CNTN5: variants seen among roughly 807,000 people sequenced by gnomAD.
The protein encoded by CNTN5 is contactin-5.
CNTN5 carries 77 observed loss-of-function variants against 129.1 expected under a neutral mutation model. The observed-to-expected ratio is 0.60, with a 90% confidence interval of 0.50 to 0.72. The LOEUF is 0.72. Ranked by LOEUF, CNTN5 falls within the 30% of genes least tolerant of loss-of-function variation. The probability of loss-of-function intolerance (pLI) is 0.00; values close to 1 mark genes in which losing one functional copy is unlikely to be tolerated. For synonymous variants in CNTN5, 509 were observed against 465.6 expected (o/e 1.09, Z -1.20); for missense variants, 1,478 against 1,328.8 (o/e 1.11, Z -1.75).
At chr11:99,685,456 T>C (rs893961910) in intron 3 of CNTN5, among the ~76,000 whole-genome samples, 7 of 151,940 alleles carry the variant, frequency 4.6e-5, no homozygotes, top group Non-Finnish European at 8.8e-5. Flanking sequence ...AGAGAGAAAG[T>C]AAAAAATATT....
chr11:99,542,056 G>C (rs1046646651), intron 2 of CNTN5, among the ~76,000 whole-genome samples: 1 of 147,896 alleles, frequency 6.8e-6, no homozygotes, highest in Non-Finnish European at 1.5e-5. Context: ...GTTTTTAATT[G>C]TCATATAATA....
At chr11:99,961,637 T>C (rs960560546) in intron 8 of CNTN5, among the ~76,000 whole-genome samples, 5 of 152,164 alleles carry the variant, frequency 3.3e-5, no homozygotes, top group African/African-American at 4.8e-5. Context: ...TGAACAACTA[T>C]TTCAATAAAA....
chr11:99,722,727 C>G (rs990335711), intron 3 of CNTN5, among the ~76,000 whole-genome samples: 2 of 152,094 alleles, frequency 1.3e-5, no homozygotes, highest in South Asian at 2.1e-4. Flanking sequence ...GAGAATTTTG[C>G]TAGAGTATTC....
At chr11:99,915,454 C>T (rs1161521035) in intron 6 of CNTN5, among the ~76,000 whole-genome samples, 1 of 152,090 alleles carries the variant, frequency 6.6e-6, no homozygotes, top group Non-Finnish European at 1.5e-5. Context: ...CCAGACTAAT[C>T]AAAATGGATG....
chr11:99,940,047 G>A (rs765012806), intron 7 of CNTN5, among the ~76,000 whole-genome samples: 1 of 152,098 alleles, frequency 6.6e-6, no homozygotes, highest in African/African-American at 2.4e-5. Flanking sequence ...ATTTGGAAAT[G>A]TCTAGAGGCA....
chr11:99,862,712 C>T (rs1170127043), intron 6 of CNTN5, among the ~76,000 whole-genome samples: 1 of 151,782 alleles, frequency 6.6e-6, no homozygotes, highest in Admixed American at 6.6e-5. Flanking sequence ...CAAGGCCAAC[C>T]AGTGATTCAT....
intron 13 of CNTN5, among the ~76,000 whole-genome samples, chr11:100,149,904 A>AG (rs1417482011): frequency 6.8e-6 from 1 of 147,836 alleles, no homozygotes; most frequent in Non-Finnish European, 1.5e-5. Context: ...AAAAAAAAAA[A>AG]AAAGAAAAGA....
intron 6 of CNTN5, among the ~76,000 whole-genome samples, chr11:99,868,218 T>TA (rs10645597): frequency 0.014 from 1,627 of 118,844 alleles, 2 homozygotes; most frequent in Middle Eastern, 0.018. Context: ...CTCCATCTCA[T>TA]AAAAAAAAAA....
chr11:99,695,942 A>G (rs933793671), intron 3 of CNTN5, among the ~76,000 whole-genome samples: 2 of 152,078 alleles, frequency 1.3e-5, no homozygotes, highest in South Asian at 2.1e-4. Flanking sequence ...TACATACAAA[A>G]GTTTTAAAAT....
At chr11:100,315,258 C>T (rs1195309812) in intron 21 of CNTN5, among the ~76,000 whole-genome samples, 3 of 152,334 alleles carry the variant, frequency 2.0e-5, no homozygotes, top group South Asian at 2.1e-4. Flanking sequence ...GCTTCCATTA[C>T]ATCTTAATTG....
chr11:99,928,953 A>C (rs1377073422), intron 7 of CNTN5, among the ~76,000 whole-genome samples: 3 of 152,146 alleles, frequency 2.0e-5, no homozygotes, highest in Non-Finnish European at 2.9e-5. Flanking sequence ...CATAAAACCA[A>C]ATGCTTTTAA....
chr11:99,816,279 C>T (rs542527581), intron 3 of CNTN5, among the ~76,000 whole-genome samples: 53 of 152,250 alleles, frequency 3.5e-4, no homozygotes, highest in African/African-American at 1.3e-3. Flanking sequence ...CACCCTATTT[C>T]TTATTTCACA....
At chr11:99,304,215 G>GCCTGGTAAT (rs1864773075) in intron 1 of CNTN5, among the ~76,000 whole-genome samples, 1 of 152,062 alleles carries the variant, frequency 6.6e-6, no homozygotes, top group South Asian at 2.1e-4. Context: ...CATTGTTCCT[G>GCCTGGTAAT]CCTGGTAATC....
intron 3 of CNTN5, among the ~76,000 whole-genome samples, chr11:99,713,847 T>C (rs527832109): frequency 5.3e-5 from 8 of 152,114 alleles, no homozygotes; most frequent in African/African-American, 1.9e-4. Flanking sequence ...GTGTATGTTA[T>C]AAAGGAACAA....
chr11:99,356,742 G>A (rs1357497737), intron 2 of CNTN5, among the ~76,000 whole-genome samples: 1 of 151,970 alleles, frequency 6.6e-6, no homozygotes, highest in Non-Finnish European at 1.5e-5. Flanking sequence ...CTAGGAATAC[G>A]AAAAAGAAAA....
At chr11:100,021,347 C>T (rs1239710347) in intron 9 of CNTN5, among the ~76,000 whole-genome samples, 1 of 152,102 alleles carries the variant, frequency 6.6e-6, no homozygotes, top group Non-Finnish European at 1.5e-5. Flanking sequence ...GAATGTGTTG[C>T]TCAAATCTTC....
chr11:100,328,739 A>T (rs780756013), intron 21 of CNTN5, among the ~76,000 whole-genome samples: 2 of 152,184 alleles, frequency 1.3e-5, no homozygotes, highest in African/African-American at 2.4e-5. Context: ...GGGGACATAA[A>T]TCCAAACCAT....
At position 99,713,859 on chromosome 11, in the gene CNTN5, A is replaced by G. The variant is rs368636790; in HGVS notation, c.56-105685A>G. Among the ~76,000 whole-genome samples the G allele has an allele frequency of 6.5e-3, 993 of 152,124 alleles. 9 individuals carry two copies. Among genetic ancestry groups the G allele is most frequent in the African/African-American group, 0.021 (888 of 41,540 alleles). On this transcript the variant is annotated intron_variant, in intron 3 of 24. Transcript: ENST00000524871. ...TTTGTGTATGTTATAAAGGAACAAA[A>G]GCTGGAGAATTAAATTATCTGCATA...
intron 1 of CNTN5, among the ~76,000 whole-genome samples, chr11:99,195,442 A>G (rs1420365915): frequency 2.0e-5 from 3 of 151,830 alleles, no homozygotes; most frequent in Non-Finnish European, 4.4e-5. Flanking sequence ...ATTTATTAAT[A>G]TCAGCAATCC....
Sources: gnomAD v4.1 joint callset for allele counts (sites outside exome capture counted in the v4.1 genomes callset) on GRCh38, gnomAD v4.1.1 for gene constraint, MANE v1.5 for transcripts, NCBI Gene and HGNC (gene_info 2026-07-23, HGNC 2026-07-21) for gene names.